CACNA1C: variants seen among roughly 807,000 people sequenced by gnomAD.
CACNA1C encodes voltage-dependent L-type calcium channel subunit alpha-1C.
In CACNA1C, 30 loss-of-function variants were observed where a neutral mutation model predicts 229.0. The observed-to-expected ratio is 0.13, with a 90% CI of 0.10 to 0.18. CACNA1C has a LOEUF of 0.18. CACNA1C is among the 10% of genes least tolerant of loss of function. CACNA1C has a pLI of 1.00. For missense variants in CACNA1C, 1,658 were observed against 2,845.0 expected, an observed-to-expected ratio of 0.58 and a Z score of 9.49; for synonymous variants, 1,114 against 1,132.5, an observed-to-expected ratio of 0.98 and a Z score of 0.33.
chr12:2,568,841 G>A (rs909462647), intron 13 of CACNA1C, among the ~76,000 whole-genome samples: 8 of 152,060 alleles, frequency 5.3e-5, no homozygotes, highest in Non-Finnish European at 1.0e-4. Context: ...CAGCGTGAAT[G>A]TATTTAGCAC....
At chr12:2,232,871 G>A (rs1488905636) in intron 3 of CACNA1C, among the ~76,000 whole-genome samples, 2 of 152,074 alleles carry the variant, frequency 1.3e-5, no homozygotes, top group African/African-American at 4.8e-5. Flanking sequence ...TGCTCAAATT[G>A]TTTTAGCTTT....
chr12:2,397,983 A>T (rs894566400), intron 3 of CACNA1C, among the ~76,000 whole-genome samples: 6 of 152,248 alleles, frequency 3.9e-5, no homozygotes, highest in African/African-American at 1.4e-4. Context: ...GCCCCTGCCT[A>T]GCCCCTGGGC....
chr12:1,977,918 A>C (rs1391027864), intron 1 of CACNA1C, among the ~76,000 whole-genome samples: 1 of 152,212 alleles, frequency 6.6e-6, no homozygotes, highest in Non-Finnish European at 1.5e-5. Flanking sequence ...TATAATAGCC[A>C]CCAAGAAAAT....
At chr12:2,687,259 T>C (rs946187581) in intron 45 of CACNA1C, among the ~76,000 whole-genome samples, 7 of 152,224 alleles carry the variant, frequency 4.6e-5, no homozygotes, top group African/African-American at 1.4e-4. Context: ...GTGTGTGCTA[T>C]CTTAAAAGAT....
intron 3 of CACNA1C, among the ~76,000 whole-genome samples, chr12:2,379,285 C>T (rs190370784): frequency 3.9e-5 from 6 of 152,156 alleles, no homozygotes; most frequent in Admixed American, 6.5e-5. Context: ...GTCCATGTAA[C>T]GGTGATGATA....
intron 3 of CACNA1C, among the ~76,000 whole-genome samples, chr12:2,280,973 T>A (rs1347505751): frequency 1.3e-5 from 2 of 152,256 alleles, no homozygotes; most frequent in Non-Finnish European, 2.9e-5. Context: ...CATCCTTTTT[T>A]TATTATACTT....
intron 6 of CACNA1C, among the ~76,000 whole-genome samples, chr12:2,490,783 G>C (rs1482099548): frequency 1.3e-5 from 2 of 152,174 alleles, no homozygotes; most frequent in African/African-American, 4.8e-5. Context: ...GCTTGTTTCA[G>C]CTGCGTTAAT....
intron 3 of CACNA1C, among the ~76,000 whole-genome samples, chr12:2,438,365 G>A (rs571804694): frequency 2.0e-5 from 3 of 146,910 alleles, no homozygotes; most frequent in Non-Finnish European, 3.0e-5. Flanking sequence ...GGTAATGATG[G>A]TGGTGGTGGT....
chr12:2,055,862 G>A (rs1013191413), intron 1 of CACNA1C, among the ~76,000 whole-genome samples: 1 of 152,332 alleles, frequency 6.6e-6, no homozygotes, highest in Admixed American at 6.5e-5. Context: ...CATTGCCGAG[G>A]TTGTTGGGGT....
At chr12:2,439,065 A>G (rs761638637) in intron 3 of CACNA1C, among the ~76,000 whole-genome samples, 4 of 152,308 alleles carry the variant, frequency 2.6e-5, no homozygotes, top group South Asian at 2.1e-4. Flanking sequence ...GGTAATCACC[A>G]TGAGCACAGT....
chr12:2,336,280 G>A (rs945046572), intron 3 of CACNA1C, among the ~76,000 whole-genome samples: 3 of 152,184 alleles, frequency 2.0e-5, no homozygotes, highest in Admixed American at 1.3e-4. Context: ...CTACTTTGCC[G>A]ATTTCCAAAG....
chr12:2,056,721 A>T (rs904950730), intron 1 of CACNA1C, among the ~76,000 whole-genome samples: 1 of 152,174 alleles, frequency 6.6e-6, no homozygotes, highest in Admixed American at 6.5e-5. Context: ...CTTTTTCTTG[A>T]TCCTGCATGG....
chr12:2,668,973 C>T lies in CACNA1C; in HGVS notation c.4664C>T (p.Thr1555Ile), dbSNP rs1243100794. The T allele has an allele frequency of 6.2e-7, 1 of 1,614,014 alleles. No homozygotes were observed. Among genetic ancestry groups the T allele is most frequent in the Non-Finnish European group, 8.5e-7 (1 of 1,179,990 alleles). The change falls in exon 38 of 47, where the codon ACA (threonine) becomes ATA (isoleucine). Residue 1555 changes from threonine (T) to isoleucine (I), a missense_variant. This residue lies in a region of CACNA1C where 151 missense variants were observed against 344.4 expected (regional missense o/e 0.44). Coordinates refer to ENST00000399655, the MANE Select transcript of CACNA1C (RefSeq NM_000719.7). Reference protein sequence around the residue: ...SMNMPLNSDGTVMFNATLFAL... With the variant: ...SMNMPLNSDGIVMFNATLFAL... ...AACATGCCTCTGAACAGCGACGGGA[C>T]AGTCATGTTCAATGCCACCCTGTTT...
intron 7 of CACNA1C, among the ~76,000 whole-genome samples, chr12:2,497,969 T>TCACACACACAGACACACA: frequency 1.4e-5 from 2 of 144,016 alleles, no homozygotes; most frequent in East Asian, 4.3e-4. Context: ...TCTATTAAAT[T>TCACACACACAGACACACA]CACACACACA....
At chr12:2,416,051 C>A (rs182436099) in intron 3 of CACNA1C, among the ~76,000 whole-genome samples, 2 of 152,144 alleles carry the variant, frequency 1.3e-5, no homozygotes, top group Non-Finnish European at 1.5e-5. Flanking sequence ...GACCTCTTCA[C>A]GTGTATCCTC....
At chr12:2,041,950 G>A (rs191259620) in intron 1 of CACNA1C, among the ~76,000 whole-genome samples, 71 of 152,240 alleles carry the variant, frequency 4.7e-4, no homozygotes, top group Middle Eastern at 6.8e-3. Context: ...CTCATCATGC[G>A]TTTTCAAGTT....
At chr12:2,648,136 C>G (rs983911430) in intron 30 of CACNA1C, among the ~76,000 whole-genome samples, 4 of 152,116 alleles carry the variant, frequency 2.6e-5, no homozygotes, top group African/African-American at 4.8e-5. Flanking sequence ...GAGACCCTGT[C>G]TCTAAAACCA....
intron 3 of CACNA1C, among the ~76,000 whole-genome samples, chr12:2,262,709 AT>A (rs964756251): frequency 1.3e-5 from 2 of 152,190 alleles, no homozygotes; most frequent in Non-Finnish European, 2.9e-5. Flanking sequence ...TGTCTAAAAT[AT>A]GGGATGAATG....
At chr12:2,426,885 G>A (rs1462250333) in intron 3 of CACNA1C, among the ~76,000 whole-genome samples, 2 of 152,234 alleles carry the variant, frequency 1.3e-5, no homozygotes, top group Non-Finnish European at 2.9e-5. Flanking sequence ...CAGTGTGAGA[G>A]GAGAAGCTGC....
Sources: gnomAD v4.1 joint callset for allele counts (sites outside exome capture counted in the v4.1 genomes callset) on GRCh38, gnomAD v4.1.1 for gene constraint, gnomAD v4.1.1 regional missense constraint, MANE v1.5 for transcripts, NCBI Gene and HGNC (gene_info 2026-07-23, HGNC 2026-07-21) for gene names.